The following ASAP2 variants were observed in gnomAD, a reference collection of about 807,000 sequenced individuals.
ASAP2 encodes the protein arf-GAP with SH3 domain, ANK repeat and PH domain-containing protein 2.
Under a neutral mutation model 131.4 loss-of-function variants are expected in ASAP2, and 45 were observed. The ratio of observed to expected loss-of-function variants is 0.34; its 90% CI spans 0.27 to 0.44. The LOEUF is 0.44. Ranked by LOEUF, ASAP2 falls within the 20% of genes least tolerant of loss-of-function variation. The pLI is 1.00. For missense variants in ASAP2, 1,011 were observed against 1,297.0 expected (o/e 0.78, Z 3.39); for synonymous variants, 510 against 503.0 (o/e 1.01, Z -0.19).
At chr2:9,317,524 A>G (rs1160567892) in intron 3 of ASAP2, among the ~76,000 whole-genome samples, 1 of 142,458 alleles carries the variant, frequency 7.0e-6, no homozygotes, top group Admixed American at 7.0e-5. Context: ...ATCACACCCC[A>G]CACTCAAATC....
At position 9,217,016 on chromosome 2, in the gene ASAP2, A is replaced by AGCAAAATTAGGCCACGGTACCAAGTTC. The variant is rs1479621629; in HGVS notation, c.126+9787_126+9813dup. On this transcript the variant is annotated intron_variant, in intron 1 of 27. Transcript: ENST00000281419. The surrounding 1 kb of genome is among the most constrained non-coding windows in gnomAD (Gnocchi z 4.0). ...TTATTATCAAAATGCTATAGGGGCC[A>AGCAAAATTAGGCCACGGTACCAAGTTC]GCAAAATTAGGCCACGGTACCAAGT... Among the ~76,000 whole-genome samples, 20 of 152,244 alleles carry AGCAAAATTAGGCCACGGTACCAAGTTC rather than the reference A, an allele frequency of 1.3e-4. No homozygotes were observed. Among genetic ancestry groups the AGCAAAATTAGGCCACGGTACCAAGTTC allele is most frequent in the Non-Finnish European group, 2.9e-4 (20 of 68,046 alleles).
At chr2:9,262,441 G>A (rs1665641572) in intron 1 of ASAP2, among the ~76,000 whole-genome samples, 1 of 152,128 alleles carries the variant, frequency 6.6e-6, no homozygotes, top group Non-Finnish European at 1.5e-5. Flanking sequence ...ATAAGCATTG[G>A]TGATCTCCTG....
intron 3 of ASAP2, among the ~76,000 whole-genome samples, chr2:9,312,054 C>G (rs1669336825): frequency 6.6e-6 from 1 of 152,176 alleles, no homozygotes; most frequent in Non-Finnish European, 1.5e-5. Flanking sequence ...TTATAAAAAT[C>G]ACCCATTTCA....
intron 9 of ASAP2, among the ~76,000 whole-genome samples, chr2:9,341,238 T>C (rs930886513): frequency 6.6e-6 from 1 of 152,174 alleles, no homozygotes; most frequent in African/African-American, 2.4e-5. Flanking sequence ...TGGTCAGGCG[T>C]TTTGTACAGG....
At chr2:9,339,810 G>C (rs1182918714) in intron 9 of ASAP2, among the ~76,000 whole-genome samples, 1 of 152,040 alleles carries the variant, frequency 6.6e-6, no homozygotes, top group African/African-American at 2.4e-5. Context: ...CCTGACCCAG[G>C]CCTTCCAGCC....
intron 1 of ASAP2, among the ~76,000 whole-genome samples, chr2:9,245,371 T>C (rs1200244412): frequency 6.6e-6 from 1 of 152,194 alleles, no homozygotes; most frequent in African/African-American, 2.4e-5. Context: ...GGAGCCAGCC[T>C]GCCTGGCCAC....
At chr2:9,390,023 G>A (rs903397402) in intron 22 of ASAP2, among the ~76,000 whole-genome samples, 1 of 152,176 alleles carries the variant, frequency 6.6e-6, no homozygotes, top group Non-Finnish European at 1.5e-5. Flanking sequence ...TGTGTGTCAC[G>A]GGAGGAAAGA....
At chr2:9,334,219 T>A (rs1671042761) in intron 7 of ASAP2, among the ~76,000 whole-genome samples, 1 of 149,328 alleles carries the variant, frequency 6.7e-6, no homozygotes, top group African/African-American at 2.5e-5. Flanking sequence ...TTTTTTTGTA[T>A]TTTTAATAGA....
chr2:9,253,905 C>T (rs1664906299), intron 1 of ASAP2, among the ~76,000 whole-genome samples: 1 of 152,006 alleles, frequency 6.6e-6, no homozygotes, highest in East Asian at 1.9e-4. Context: ...ATTCACATAA[C>T]TTTTATTACA....
intron 1 of ASAP2, among the ~76,000 whole-genome samples, chr2:9,277,315 G>A (rs1219980681): frequency 2.0e-5 from 3 of 152,198 alleles, no homozygotes; most frequent in Admixed American, 1.3e-4. Context: ...GCGAGTCTGC[G>A]GCTGGAAGAC....
intron 24 of ASAP2, among the ~76,000 whole-genome samples, chr2:9,394,238 C>T (rs537949614): frequency 1.4e-5 from 2 of 143,944 alleles, no homozygotes; most frequent in East Asian, 4.2e-4. Context: ...GATCTCGGCT[C>T]ACTGCAAGCT....
At chr2:9,386,543 G>A (rs6721798) in intron 21 of ASAP2, among the ~76,000 whole-genome samples, 1 of 152,198 alleles carries the variant, frequency 6.6e-6, no homozygotes, top group Admixed American at 6.5e-5. Flanking sequence ...ACTCATCCAC[G>A]CTGCTCACCT....
intron 2 of ASAP2, among the ~76,000 whole-genome samples, chr2:9,295,699 A>G (rs1329798644): frequency 3.3e-5 from 5 of 152,168 alleles, no homozygotes; most frequent in Non-Finnish European, 7.3e-5. Context: ...TGTTTGCTGA[A>G]TCTGGTCTCA....
chr2:9,222,102 T>A (rs1338345309), intron 1 of ASAP2, among the ~76,000 whole-genome samples: 1 of 152,230 alleles, frequency 6.6e-6, no homozygotes, highest in Non-Finnish European at 1.5e-5. Flanking sequence ...CTTTTTCTTA[T>A]CTGATTGCTG....
chr2:9,327,797 CA>C, intron 6 of ASAP2, 28 bp from the exon 7 acceptor site: 1 of 1,534,178 alleles, frequency 6.5e-7, no homozygotes, highest in South Asian at 1.2e-5. Flanking sequence ...TGCTTACTTC[CA>C]TGACATTTCC....
chr2:9,396,737 C>T (rs561540324), intron 24 of ASAP2, among the ~76,000 whole-genome samples: 33 of 152,342 alleles, frequency 2.2e-4, no homozygotes, highest in Middle Eastern at 3.4e-3. Flanking sequence ...CACAGTGGCT[C>T]ACACCTACAA....
At position 9,299,866 on chromosome 2, in the gene ASAP2, C is replaced by G. The variant is rs116225086; in HGVS notation, c.345+2421C>G. On this transcript the variant is annotated intron_variant, in intron 3 of 27. Transcript: ENST00000281419. The stretch of plus-strand genomic sequence containing the variant: ...AGGATAGCTTACTTAATTCTTATGA[C>G]AATCCCATAAGGTCAGTCAATGTCA... 4.4e-3 allele frequency among the ~76,000 whole-genome samples: 666 copies of G among 152,332 alleles called. 4 individuals are homozygous for G. Among genetic ancestry groups the G allele is most frequent in the African/African-American group, 0.015 (631 of 41,568 alleles).
In ASAP2 at chr2:9,243,508, T is replaced by TA. The variant is rs1183802030; in HGVS notation, c.127-35805dup. ...GTGACTGAGTCAGAGAAGTAACTGT[T>TA]AAAATACAACTTTGCTTACAATATC... On this transcript the variant is annotated intron_variant, in intron 1 of 27. Coordinates refer to ENST00000281419, the MANE Select transcript of ASAP2 (RefSeq NM_003887.3). Among the ~76,000 whole-genome samples the TA allele has an allele frequency of 2.6e-5, 4 of 152,360 alleles. No individual in the cohort carries two copies. In the East Asian group the frequency reaches 7.7e-4, roughly 29 times the overall value.
intron 2 of ASAP2, among the ~76,000 whole-genome samples, chr2:9,287,723 C>T (rs1167624732): frequency 2.6e-5 from 4 of 152,142 alleles, no homozygotes; most frequent in African/African-American, 9.7e-5. Flanking sequence ...AGGACGTGGG[C>T]TCGAAGGCCC....
Sources: allele counts gnomAD v4.1 joint callset (sites outside exome capture counted in the v4.1 genomes callset), GRCh38; gene constraint gnomAD v4.1.1; non-coding constraint Gnocchi (gnomAD v3.1); transcripts MANE v1.5; gene names NCBI Gene and HGNC (gene_info 2026-07-23, HGNC 2026-07-21).